MAMDC2: variants seen among roughly 807,000 people sequenced by gnomAD.
MAMDC2 encodes MAM domain containing 2, also known as MAM domain-containing protein 2.
In MAMDC2, 57 loss-of-function variants were observed where a neutral mutation model predicts 89.8. That is an observed-to-expected ratio of 0.63 (90% CI 0.51 to 0.79). The LOEUF (loss-of-function observed/expected upper bound fraction) is 0.79, where lower values mean the gene tolerates loss of function less well. MAMDC2 is among the 30% of genes least tolerant of loss of function. MAMDC2 has a pLI of 0.00. For missense variants in MAMDC2, 800 were observed against 820.6 expected (o/e 0.97, Z 0.31); for synonymous variants, 313 against 293.4 (o/e 1.07, Z -0.68).
At chr9:70,200,664 T>C (rs1255603894) in intron 11 of MAMDC2, among the ~76,000 whole-genome samples, 5 of 139,234 alleles carry the variant, frequency 3.6e-5, no homozygotes, top group Non-Finnish European at 6.2e-5. Context: ...TTTCACGATA[T>C]TGATTCTTCC....
In MAMDC2 at chr9:70,182,949, G is replaced by A. The variant is rs144773142; in HGVS notation, c.1651+12318G>A. Among the ~76,000 whole-genome samples, 162 of 152,098 alleles carry A rather than the reference G, an allele frequency of 1.1e-3. 1 individual carries two copies. Among genetic ancestry groups the A allele is most frequent in the African/African-American group, 3.8e-3 (159 of 41,514 alleles). On this transcript the variant is annotated intron_variant, in intron 11 of 13. Transcript: ENST00000377182. ...CTTTTAATTGTGATGTTAGGGTGTC[G>A]ATTTTAGATCTTTCCTGCTTTCTCC...
chr9:70,068,941 G>A (rs1369915050), intron 2 of MAMDC2, among the ~76,000 whole-genome samples: 1 of 152,140 alleles, frequency 6.6e-6, no homozygotes, highest in Non-Finnish European at 1.5e-5. Context: ...GTTAGGTAAA[G>A]CAAGGCAGAT....
In MAMDC2 at chr9:70,226,948, CTAA is replaced by C. The variant is rs1489321485; in HGVS notation, c.*920_*922del. The stretch of plus-strand genomic sequence containing the variant: ...AGCTGCTATGAAATTATAAAATTAC[CTAA>C]TAAAAATAATTTGAAAATCTTTTCA... On this transcript the variant is annotated 3_prime_UTR_variant, in exon 14 of 14. Coordinates refer to ENST00000377182, the MANE Select transcript of MAMDC2 (RefSeq NM_153267.5). The C allele has an allele frequency of 6.6e-6, 1 of 151,770 alleles. No individual in the cohort carries two copies. Among genetic ancestry groups the C allele is most frequent in the African/African-American group, 2.4e-5 (1 of 41,340 alleles). The allele number at this position is 151,770 out of a possible 1,614,324, so 9.4% of individuals were successfully genotyped here.
At chr9:70,137,406 G>A (rs928800987) in intron 7 of MAMDC2, among the ~76,000 whole-genome samples, 2 of 152,090 alleles carry the variant, frequency 1.3e-5, no homozygotes, top group East Asian at 1.9e-4. Context: ...CGGAGTTCAG[G>A]AAATTTAATA....
At chr9:70,089,672 T>C (rs781148643) in intron 2 of MAMDC2, among the ~76,000 whole-genome samples, 8 of 152,174 alleles carry the variant, frequency 5.3e-5, no homozygotes, top group Non-Finnish European at 1.2e-4. Flanking sequence ...ATACACCAAA[T>C]ACAAACTCCA....
chr9:70,176,388 A>C (rs1010800443), intron 11 of MAMDC2, among the ~76,000 whole-genome samples: 1 of 152,190 alleles, frequency 6.6e-6, no homozygotes, highest in African/African-American at 2.4e-5. Flanking sequence ...TTGTCTTCTT[A>C]AAAACTTTGA....
At chr9:70,202,965 G>A (rs11142067) in intron 11 of MAMDC2, among the ~76,000 whole-genome samples, 112,630 of 146,358 alleles carry the variant, frequency 0.77, 43,094 homozygotes, top group Admixed American at 0.82. Context: ...ACGTGAGATG[G>A]GTTTCCTGAA....
chr9:70,150,056 G>A (rs2031535469), intron 9 of MAMDC2, among the ~76,000 whole-genome samples: 1 of 152,128 alleles, frequency 6.6e-6, no homozygotes, highest in Non-Finnish European at 1.5e-5. Context: ...CATTGTGAGT[G>A]ACTCAGAAAG....
At chr9:70,197,690 A>T (rs189431548) in intron 11 of MAMDC2, among the ~76,000 whole-genome samples, 45 of 152,274 alleles carry the variant, frequency 3.0e-4, no homozygotes, top group Non-Finnish European at 5.4e-4. Flanking sequence ...ATAACATTCT[A>T]TTACAATGCT....
chr9:70,094,638 G>T (rs961753568), intron 2 of MAMDC2, among the ~76,000 whole-genome samples: 3 of 152,084 alleles, frequency 2.0e-5, no homozygotes, highest in Non-Finnish European at 4.4e-5. Context: ...GAGTTTTAAT[G>T]TAGCTTTATA....
At chr9:70,191,358 T>C (rs570104408) in intron 11 of MAMDC2, among the ~76,000 whole-genome samples, 49 of 151,034 alleles carry the variant, frequency 3.2e-4, no homozygotes, top group Non-Finnish European at 6.5e-4. Flanking sequence ...GTTTTATCTA[T>C]TTTTTTAAAC....
intron 9 of MAMDC2, among the ~76,000 whole-genome samples, chr9:70,152,455 G>T (rs1207498079): frequency 6.6e-6 from 1 of 152,148 alleles, no homozygotes; most frequent in Non-Finnish European, 1.5e-5. Context: ...AACAGATGAG[G>T]AATGCTCAGG....
intron 11 of MAMDC2, among the ~76,000 whole-genome samples, chr9:70,207,611 G>A (rs1205799950): frequency 6.6e-6 from 1 of 152,082 alleles, no homozygotes; most frequent in Non-Finnish European, 1.5e-5. Context: ...AGTTTCTTTT[G>A]CTGTGCAGAA....
At chr9:70,131,125 C>T (rs192082193) in intron 6 of MAMDC2, among the ~76,000 whole-genome samples, 13 of 152,296 alleles carry the variant, frequency 8.5e-5, no homozygotes, top group Non-Finnish European at 1.0e-4. Context: ...GTCCATATGG[C>T]ACCTACTCAT....
In MAMDC2 at chr9:70,204,591, G is replaced by A. The variant is rs867929481; in HGVS notation, c.1652-13746G>A. On this transcript the variant is annotated intron_variant, in intron 11 of 13. Coordinates refer to ENST00000377182, the MANE Select transcript of MAMDC2 (RefSeq NM_153267.5). Reference sequence around the variant, plus strand: ...AGCTGTGGTGGGCTCCACCCAGTTCGAGCTTCCCGGCTGCTTTGTTTACCT... The same window carrying A: ...AGCTGTGGTGGGCTCCACCCAGTTCAAGCTTCCCGGCTGCTTTGTTTACCT... Among the ~76,000 whole-genome samples the A allele has an allele frequency of 5.6e-3, 845 of 151,236 alleles. 5 individuals carry two copies. Among genetic ancestry groups the A allele is most frequent in the African/African-American group, 0.02 (810 of 41,250 alleles).
intron 11 of MAMDC2, among the ~76,000 whole-genome samples, chr9:70,208,118 C>CCT (rs1174078730): frequency 6.6e-6 from 1 of 152,136 alleles, no homozygotes; most frequent in Non-Finnish European, 1.5e-5. Flanking sequence ...ACTGAGGGCT[C>CCT]TTTTTTGATT....
At chr9:70,210,537 G>T (rs2033332842) in intron 11 of MAMDC2, among the ~76,000 whole-genome samples, 1 of 152,182 alleles carries the variant, frequency 6.6e-6, no homozygotes, top group Non-Finnish European at 1.5e-5. Flanking sequence ...CTTTGCATGT[G>T]AGATGGGTTT....
At chr9:70,120,940 G>T (rs576118294) in intron 5 of MAMDC2, among the ~76,000 whole-genome samples, 1 of 152,316 alleles carries the variant, frequency 6.6e-6, no homozygotes, top group East Asian at 1.9e-4. Context: ...CAGCAGACCA[G>T]TGGGTATTTC....
chr9:70,100,019 A>AGAGAGAGAGAGAGC (rs1352885859), intron 2 of MAMDC2, among the ~76,000 whole-genome samples: 1 of 140,798 alleles, frequency 7.1e-6, no homozygotes, highest in South Asian at 2.4e-4. Context: ...AGAGAGAGAG[A>AGAGAGAGAGAGAGC]GAGAGCACAA....
Sources: gnomAD v4.1 joint callset for allele counts (sites outside exome capture counted in the v4.1 genomes callset) on GRCh38, gnomAD v4.1.1 for gene constraint, MANE v1.5 for transcripts, NCBI Gene and HGNC (gene_info 2026-07-23, HGNC 2026-07-21) for gene names.